Variants in EXOC4 observed in about 807,000 individuals in gnomAD.
EXOC4 encodes exocyst complex component 4, also known as SEC8-like 1.
Under a neutral mutation model 107.2 loss-of-function variants are expected in EXOC4, and 71 were observed. The ratio of observed to expected loss-of-function variants is 0.66; its 90% CI spans 0.55 to 0.81. EXOC4 has a LOEUF of 0.81. EXOC4 is among the 30% of genes least tolerant of loss of function. EXOC4 has a pLI of 0.00. For synonymous variants in EXOC4, 456 were observed against 441.2 expected (o/e 1.03, Z -0.42); for missense variants, 1,108 against 1,189.6 (o/e 0.93, Z 1.01).
At chr7:133,500,391 C>G (rs1799554799) in intron 9 of EXOC4, among the ~76,000 whole-genome samples, 1 of 152,162 alleles carries the variant, frequency 6.6e-6, no homozygotes, top group African/African-American at 2.4e-5. Context: ...TGGAATCATA[C>G]AATAGACAAT....
intron 17 of EXOC4, among the ~76,000 whole-genome samples, chr7:134,050,987 T>C (rs1482374100): frequency 6.6e-6 from 1 of 151,710 alleles, no homozygotes; most frequent in East Asian, 1.9e-4. Flanking sequence ...AAAGAAGAAA[T>C]GAATATGAAA....
chr7:133,445,589 C>T (rs768111073), intron 7 of EXOC4, among the ~76,000 whole-genome samples: 2 of 151,038 alleles, frequency 1.3e-5, no homozygotes, highest in African/African-American at 4.9e-5. Flanking sequence ...AGCAATTGTG[C>T]TTCCACCTCA....
intron 3 of EXOC4, among the ~76,000 whole-genome samples, chr7:133,298,423 T>C (rs2150558592): frequency 6.6e-6 from 1 of 152,240 alleles, no homozygotes; most frequent in East Asian, 1.9e-4. Flanking sequence ...GAGTAACAAA[T>C]AACATGACAT....
chr7:133,968,876 A>C (rs897371366), intron 14 of EXOC4, among the ~76,000 whole-genome samples: 3 of 152,006 alleles, frequency 2.0e-5, no homozygotes, highest in African/African-American at 7.3e-5. Context: ...CCTGAATTTG[A>C]ATGTTGGCCT....
intron 12 of EXOC4, among the ~76,000 whole-genome samples, chr7:133,900,919 G>C (rs948620270): frequency 2.0e-5 from 3 of 152,092 alleles, no homozygotes; most frequent in Non-Finnish European, 2.9e-5. Flanking sequence ...GCCCAGGCTG[G>C]AGTGCGGTGG....
intron 9 of EXOC4, among the ~76,000 whole-genome samples, chr7:133,489,139 T>C (rs1174003738): frequency 2.0e-5 from 3 of 151,718 alleles, no homozygotes. Context: ...ATGAAGAAGG[T>C]AAGGGCATAA....
intron 11 of EXOC4, among the ~76,000 whole-genome samples, chr7:133,853,323 G>GTC (rs113296842): frequency 4.1e-4 from 42 of 102,090 alleles, no homozygotes; most frequent in South Asian, 6.4e-4. Context: ...CTCTCTTTCT[G>GTC]TCTCTCTCTC....
At chr7:133,558,191 CTTTTCTTTTCTTTT>C (rs1800733086) in intron 9 of EXOC4, among the ~76,000 whole-genome samples, 1 of 72,534 alleles carries the variant, frequency 1.4e-5, no homozygotes, top group Non-Finnish European at 2.7e-5. Context: ...GGTTCCTTCT[CTTTTCTTTTCTTTT>C]CTTTTCTTTT....
At chr7:133,627,825 T>C (rs982312153) in intron 9 of EXOC4, among the ~76,000 whole-genome samples, 1 of 152,212 alleles carries the variant, frequency 6.6e-6, no homozygotes, top group Non-Finnish European at 1.5e-5. Flanking sequence ...GGGTTGAGTA[T>C]GCCATTGTAT....
intron 6 of EXOC4, among the ~76,000 whole-genome samples, chr7:133,357,139 A>G (rs995729063): frequency 2.0e-5 from 3 of 152,228 alleles, no homozygotes; most frequent in African/African-American, 7.2e-5. Context: ...GATTGTCGAT[A>G]TTTAAACATT....
chr7:133,871,490 G>T (rs897618293), intron 11 of EXOC4, among the ~76,000 whole-genome samples: 2 of 152,014 alleles, frequency 1.3e-5, no homozygotes, highest in African/African-American at 2.4e-5. Context: ...CTCCAAGGTG[G>T]TTACACCAAC....
intron 9 of EXOC4, among the ~76,000 whole-genome samples, chr7:133,552,845 A>C (rs1028733916): frequency 1.3e-5 from 2 of 152,098 alleles, no homozygotes; most frequent in African/African-American, 2.4e-5. Flanking sequence ...GGTGTATTTT[A>C]CCCATTAATG....
intron 11 of EXOC4, among the ~76,000 whole-genome samples, chr7:133,876,962 C>T (rs1798862844): frequency 6.6e-6 from 1 of 152,068 alleles, no homozygotes; most frequent in Admixed American, 6.5e-5. Context: ...TGGGCTTATA[C>T]TTCAAATCAA....
At chr7:133,620,019 T>G (rs199533918) in intron 9 of EXOC4, among the ~76,000 whole-genome samples, 21,447 of 151,754 alleles carry the variant, frequency 0.14, 1,667 homozygotes, top group East Asian at 0.25. Context: ...TTTGTTTTTT[T>G]TTGTTGTTGT....
At chr7:133,920,472 C>CT (rs1341561293) in intron 13 of EXOC4, among the ~76,000 whole-genome samples, 4 of 151,890 alleles carry the variant, frequency 2.6e-5, no homozygotes, top group Non-Finnish European at 5.9e-5. Context: ...AGTTATACTT[C>CT]TTTTTTTTAC....
chr7:133,285,044 G>C (rs1794243831), intron 2 of EXOC4, among the ~76,000 whole-genome samples: 1 of 152,008 alleles, frequency 6.6e-6, no homozygotes, highest in African/African-American at 2.4e-5. Flanking sequence ...TCCAACTATG[G>C]AAGATGAGGA....
chr7:133,864,110 A>G (rs1798589153), intron 11 of EXOC4, among the ~76,000 whole-genome samples: 1 of 152,168 alleles, frequency 6.6e-6, no homozygotes, highest in South Asian at 2.1e-4. Context: ...GTGCTAAAAT[A>G]AAATAGTACA....
chr7:133,999,550 G>C (rs903675103), intron 15 of EXOC4, among the ~76,000 whole-genome samples: 1 of 152,038 alleles, frequency 6.6e-6, no homozygotes, highest in African/African-American at 2.4e-5. Flanking sequence ...TTCATATTTG[G>C]TATCTCTTTA....
chr7:133,529,065 C>T (rs1208465562), intron 9 of EXOC4, among the ~76,000 whole-genome samples: 2 of 152,114 alleles, frequency 1.3e-5, no homozygotes, highest in African/African-American at 4.8e-5. Context: ...ATATGTTTTG[C>T]TTCCTGAGAT....
Sources: allele counts gnomAD v4.1 joint callset (sites outside exome capture counted in the v4.1 genomes callset), GRCh38; gene constraint gnomAD v4.1.1; transcripts MANE v1.5; gene names NCBI Gene and HGNC (gene_info 2026-07-23, HGNC 2026-07-21).